The following TRABD2A variants were observed in gnomAD, a reference collection of about 807,000 sequenced individuals.
TRABD2A encodes the protein TraB domain containing 2A, also known as metalloprotease TIKI1.
TRABD2A carries 43 observed loss-of-function variants against 45.6 expected under a neutral mutation model. That is an observed-to-expected ratio of 0.94 (90% CI 0.74 to 1.22). TRABD2A has a LOEUF of 1.22. Ranked by LOEUF, TRABD2A falls within the 50% of genes most tolerant of loss-of-function variation. The probability of loss-of-function intolerance (pLI) is 0.00; values close to 1 mark genes in which losing one functional copy is unlikely to be tolerated. For synonymous variants in TRABD2A, 269 were observed against 265.0 expected (o/e 1.02, Z -0.15); for missense variants, 642 against 652.4 (o/e 0.98, Z 0.17).
At chr2:84,839,604 A>AT (rs969379549) in intron 3 of TRABD2A, among the ~76,000 whole-genome samples, 1 of 151,838 alleles carries the variant, frequency 6.6e-6, no homozygotes, top group Non-Finnish European at 1.5e-5. Flanking sequence ...CCGTGTGTTT[A>AT]TAAAAAAAAA....
intron 4 of TRABD2A, chr2:84,837,569 T>C (rs942685775): frequency 1.3e-5 from 2 of 152,414 alleles, no homozygotes; most frequent in Non-Finnish European, 2.9e-5. Flanking sequence ...ACTAAGTCTG[T>C]AAAGTCTGTA....
Position 84,841,988 on chromosome 2 carries a change from T to C in TRABD2A, c.689A>G (p.Gln230Arg). ...CAGGCTTTCCTGCTGCAGGAGGGTC[T>C]GGTTCAAAGCAAAGATGACCTAAAA... ...NFSQVIFALN[Q>R]TLLQQESLRA... The change falls in exon 3 of 7, where the codon CAG becomes CGG. Residue 230 changes from glutamine (Q) to arginine (R), a missense_variant. Physicochemically the swap from Gln to Arg is conservative, Grantham distance 43. Coordinates refer to ENST00000409520, the MANE Select transcript of TRABD2A (RefSeq NM_001277053.2). The C allele has an allele frequency of 6.5e-7, 1 of 1,527,576 alleles. No individual in the cohort carries two copies. The highest frequency in any genetic ancestry group is 8.8e-7 in the Non-Finnish European group (1 of 1,137,906). The allele number at this position is 1,527,576 out of a possible 1,614,324, so 94.6% of individuals were successfully genotyped here.
In TRABD2A at chr2:84,879,545, GA is replaced by G. The variant is rs982003979; in HGVS notation, c.108+1386del. On this transcript the variant is annotated intron_variant, in intron 1 of 6. Transcript: ENST00000409520. ...CAAAAGGTAGGACGATGGAATAAAG[GA>G]CTCATAAAGACAGATTCTAAAGGAG... The G allele has an allele frequency of 4.2e-6, 4 of 962,724 alleles. No homozygotes were observed. The African/African-American group carries it at 7.0e-5, about 17-fold the overall frequency. The allele number at this position is 962,724 out of a possible 1,614,324, so 59.6% of individuals were successfully genotyped here. A position where few individuals can be genotyped will look rare whatever the true frequency, so the allele number is the denominator to read the frequency against.
At chr2:84,868,529 CTAGTTAATTAGT>C (rs1682764415) in intron 2 of TRABD2A, among the ~76,000 whole-genome samples, 1 of 149,180 alleles carries the variant, frequency 6.7e-6, no homozygotes, top group Non-Finnish European at 1.5e-5. Flanking sequence ...AATTAGTTAA[CTAGTTAATTAGT>C]TAATTAACTA....
At chr2:84,846,982 G>A (rs568875593) in intron 2 of TRABD2A, among the ~76,000 whole-genome samples, 3 of 152,326 alleles carry the variant, frequency 2.0e-5, no homozygotes, top group Admixed American at 1.3e-4. Context: ...CCCAGACCTA[G>A]TAGTCCATGC....
At chr2:84,834,675 C>T (rs976365387) in intron 4 of TRABD2A, 2 of 152,190 alleles carry the variant, frequency 1.3e-5, no homozygotes, top group Non-Finnish European at 2.9e-5. Context: ...TTTCACTTAG[C>T]ATAATGTTTT....
chr2:84,827,508 GA>G (rs1332545189), intron 5 of TRABD2A, among the ~76,000 whole-genome samples: 1 of 152,220 alleles, frequency 6.6e-6, no homozygotes, highest in Non-Finnish European at 1.5e-5. Context: ...TTCTGAGAAT[GA>G]ATGAAGCTGT....
Position 84,870,680 on chromosome 2 carries a change from CG to C in TRABD2A, c.213del (p.Asp72ThrfsTer62). Reference protein sequence around the residue: ...VPYTRVWDFIPDNSKEAFLQS... With the variant: ...VPYTRVWDFIXDNSKEAFLQS... ...TGCAGGAAAGCCTCCTTAGAGTTGT[CG>C]GGGATGAAGTCCCAAACTCGGGTGT... is the stretch of plus-strand genomic sequence containing the variant. On this transcript the variant is annotated frameshift_variant, in exon 2 of 7. Transcript: ENST00000409520. LOFTEE classifies it high-confidence loss of function. 1 of 1,607,342 alleles carries C rather than the reference CG, an allele frequency of 6.2e-7. No homozygotes were observed. The highest frequency in any genetic ancestry group is 8.5e-7 in the Non-Finnish European group (1 of 1,176,846).
Position 84,821,951 on chromosome 2 carries a change from A to G in TRABD2A, c.1484T>C (p.Val495Ala), listed in dbSNP as rs926454222. Residue 495 changes from valine to alanine, a missense_variant, in exon 7 of 7, where the codon GTG becomes GCG. Coordinates refer to ENST00000409520, the MANE Select transcript of TRABD2A (RefSeq NM_001277053.2). ...SLWTPVFWVL[V>A]LAFQTETPLL ...GGGTGTCTCTGTTTGGAAAGCCAGC[A>G]CCAGCACCCAGAACACAGGAGTCCA... 1.2e-6 allele frequency: 2 copies of G among 1,604,590 alleles called. No individual in the cohort carries two copies. The highest frequency in any genetic ancestry group is 1.7e-6 in the Non-Finnish European group (2 of 1,175,498).
chr2:84,851,051 G>A (rs555172369), intron 2 of TRABD2A: 1 of 152,362 alleles, frequency 6.6e-6, no homozygotes, highest in South Asian at 2.1e-4. Flanking sequence ...CAGTAGCTAT[G>A]CTTAAAGCTT....
intron 2 of TRABD2A, among the ~76,000 whole-genome samples, chr2:84,867,719 G>C (rs1156773743): frequency 1.3e-5 from 2 of 152,082 alleles, no homozygotes; most frequent in African/African-American, 4.8e-5. Context: ...AATCTACAAA[G>C]AACTCAAACA....
At chr2:84,861,106 G>A (rs755240352) in intron 2 of TRABD2A, among the ~76,000 whole-genome samples, 4 of 152,132 alleles carry the variant, frequency 2.6e-5, no homozygotes, top group African/African-American at 9.7e-5. Context: ...GCCGTAGATC[G>A]ATTTACAGGG....
intron 2 of TRABD2A, among the ~76,000 whole-genome samples, chr2:84,854,130 T>C (rs1450771001): frequency 1.3e-5 from 2 of 151,866 alleles, no homozygotes; most frequent in East Asian, 3.9e-4. Context: ...GTATAACAAC[T>C]ATTTACATTG....
At chr2:84,841,297 G>T (rs1461303316) in intron 3 of TRABD2A, among the ~76,000 whole-genome samples, 2 of 152,158 alleles carry the variant, frequency 1.3e-5, no homozygotes, top group African/African-American at 2.4e-5. Flanking sequence ...TCCACTCAAT[G>T]GCCCACAGGT....
chr2:84,861,157 G>A (rs1011366200), intron 2 of TRABD2A, among the ~76,000 whole-genome samples: 9 of 152,230 alleles, frequency 5.9e-5, no homozygotes, highest in African/African-American at 2.2e-4. Context: ...ACCAGGTACA[G>A]TTTGGTGGAA....
intron 2 of TRABD2A, among the ~76,000 whole-genome samples, chr2:84,869,447 G>A (rs1239722017): frequency 6.6e-6 from 1 of 152,180 alleles, no homozygotes; most frequent in Non-Finnish European, 1.5e-5. Flanking sequence ...CCCTGGGGTA[G>A]GATCCTTAAA....
chr2:84,847,630 G>A (rs1239194105), intron 2 of TRABD2A, among the ~76,000 whole-genome samples: 2 of 152,170 alleles, frequency 1.3e-5, no homozygotes, highest in East Asian at 3.8e-4. Context: ...CAGGCACAAG[G>A]GTCCTGGATG....
chr2:84,861,888 T>C (rs943545928), intron 2 of TRABD2A, among the ~76,000 whole-genome samples: 5 of 152,246 alleles, frequency 3.3e-5, no homozygotes, highest in African/African-American at 1.2e-4. Context: ...TTCCTCATTT[T>C]ATGATTCTGA....
At chr2:84,865,749 C>G (rs1044276710) in intron 2 of TRABD2A, among the ~76,000 whole-genome samples, 1 of 152,114 alleles carries the variant, frequency 6.6e-6, no homozygotes, top group African/African-American at 2.4e-5. Context: ...TCCCTATGCC[C>G]GGAGCCTGTC....
Sources: allele counts gnomAD v4.1 joint callset (sites outside exome capture counted in the v4.1 genomes callset), GRCh38; gene constraint gnomAD v4.1.1; transcripts MANE v1.5; gene names NCBI Gene and HGNC (gene_info 2026-07-23, HGNC 2026-07-21).